The following DCTN2 variants were observed in gnomAD, a reference collection of about 807,000 sequenced individuals.
The protein encoded by DCTN2 is 50 kDa dynein-associated polypeptide.
A neutral mutation model predicts 55.4 loss-of-function variants in DCTN2; 18 were observed. That is an observed-to-expected ratio of 0.32 (90% CI 0.22 to 0.48). The LOEUF (loss-of-function observed/expected upper bound fraction) is 0.48, where lower values mean the gene tolerates loss of function less well. Among genes scored for constraint, DCTN2 ranks in the 20% least tolerant of loss-of-function variants. DCTN2 has a pLI of 0.99. For missense variants in DCTN2, 390 were observed against 491.0 expected, an observed-to-expected ratio of 0.79 and a Z score of 1.94; for synonymous variants, 168 against 185.2, an observed-to-expected ratio of 0.91 and a Z score of 0.76.
Position 57,530,619 on chromosome 12 carries a change from A to G in DCTN2, c.*70T>C. On this transcript the variant is annotated 3_prime_UTR_variant, in exon 14 of 14. Transcript: ENST00000548249. ...ATGCTAGAGTTATAGTAAAGGGGAA[A>G]CCCTATGTAAGCTGTTAACAGAGTT... The G allele has an allele frequency of 7.5e-7, 1 of 1,331,284 alleles. No individual in the cohort carries two copies. The highest frequency in any genetic ancestry group is 1.1e-6 in the Non-Finnish European group (1 of 939,966). The allele number at this position is 1,331,284 out of a possible 1,614,324, so 82.5% of individuals were successfully genotyped here. A position where few individuals can be genotyped will look rare whatever the true frequency, so the allele number is the denominator to read the frequency against.
At chr12:57,546,425 CA>C (rs1312501313) in intron 1 of DCTN2, among the ~76,000 whole-genome samples, 2 of 152,184 alleles carry the variant, frequency 1.3e-5, no homozygotes, top group East Asian at 3.9e-4. Flanking sequence ...CCCCGTACAC[CA>C]CCACCCTGGC....
At chr12:57,542,472 A>T (rs976552060) in intron 2 of DCTN2, among the ~76,000 whole-genome samples, 1 of 152,218 alleles carries the variant, frequency 6.6e-6, no homozygotes, top group Non-Finnish European at 1.5e-5. Flanking sequence ...TCACAGGAAG[A>T]AAGTTATGGA....
chr12:57,537,121 ATC>A (rs1333477440), intron 2 of DCTN2, among the ~76,000 whole-genome samples: 1 of 150,890 alleles, frequency 6.6e-6, no homozygotes, highest in Admixed American at 6.6e-5. Context: ...AGGCGGGTGG[ATC>A]TCAGGAGTTC....
chr12:57,532,753 G>C lies in DCTN2; in HGVS notation c.832C>G (p.Gln278Glu), dbSNP rs1220979639. 1 of 1,613,928 alleles carries C rather than the reference G, an allele frequency of 6.2e-7. No homozygotes were observed. The highest frequency in any genetic ancestry group is 2.2e-5 in the East Asian group (1 of 44,884). Reference protein sequence around the residue: ...VSALDLAVLDQVEARLQSVLG... With the variant: ...VSALDLAVLDEVEARLQSVLG... ...AATACCTGTAGCCGAGCCTCCACTT[G>C]ATCCAAAACTGCAAGGTCTAGGGCG... The change falls in exon 10 of 14, where the codon CAA becomes GAA. Residue 278 changes from glutamine (Q) to glutamate (E), a missense_variant. By Grantham distance (29) the Gln-to-Glu change is conservative. This residue lies in a region of DCTN2 where 273 missense variants were observed against 303.2 expected (regional missense o/e 0.90). Transcript: ENST00000548249.
At chr12:57,546,992 G>T in intron 1 of DCTN2, 36 bp downstream of exon 1, 1 of 1,281,722 alleles carries the variant, frequency 7.8e-7, no homozygotes. Flanking sequence ...GGTCGGGGGC[G>T]CGGTCCTGGG....
chr12:57,538,908 C>CTATT (rs1427139787), intron 2 of DCTN2, among the ~76,000 whole-genome samples: 4 of 152,186 alleles, frequency 2.6e-5, no homozygotes, highest in Admixed American at 2.6e-4. Flanking sequence ...GGTGGGGAAG[C>CTATT]TATTAGAAAT....
chr12:57,543,311 T>C lies in DCTN2; in HGVS notation c.105+2717A>G, dbSNP rs1453106428. ...TCGCAGTGAGCCAAGATCACGCCAC[T>C]GCACTCCAGCCTGGGCGACAGAGTG... On this transcript the variant is annotated intron_variant, in intron 2 of 13. Coordinates refer to ENST00000548249, the MANE Select transcript of DCTN2 (RefSeq NM_001261413.2). The C allele has an allele frequency of 1.8e-5, 4 of 223,298 alleles. No individual in the cohort carries two copies. In the East Asian group the frequency reaches 3.8e-4, roughly 21 times the overall value. 13.8% of individuals were successfully genotyped at this position (223,298 alleles called of 1,614,324 possible).
Position 57,532,236 on chromosome 12 carries a change from G to C in DCTN2, c.1004C>G (p.Thr335Ser). The change falls in exon 12 of 14, where the codon ACC (threonine) becomes AGC (serine). Residue 335 changes from threonine (T) to serine (S), a missense_variant. Transcript: ENST00000548249. ...TLPELVQRLV[T>S]IKQLHEQAMQ... ...ACCTTGCTCGTGCAGCTGCTTGATG[G>C]TGACAAGTCTCTGCACCAGCTCAGG... is the stretch of plus-strand genomic sequence containing the variant. 3 of 1,559,478 alleles carry C rather than the reference G, an allele frequency of 1.9e-6. No individual in the cohort carries two copies. Among genetic ancestry groups the C allele is most frequent in the Non-Finnish European group, 2.6e-6 (3 of 1,151,270 alleles).
Position 57,530,631 on chromosome 12 carries a change from C to T in DCTN2, c.*58G>A. Reference sequence around the variant, plus strand: ...TAGTAAAGGGGAAACCCTATGTAAGCTGTTAACAGAGTTCACAGGGGTAGG... The same window carrying T: ...TAGTAAAGGGGAAACCCTATGTAAGTTGTTAACAGAGTTCACAGGGGTAGG... On this transcript the variant is annotated 3_prime_UTR_variant, in exon 14 of 14. Coordinates refer to ENST00000548249, the MANE Select transcript of DCTN2 (RefSeq NM_001261413.2). The T allele has an allele frequency of 2.1e-6, 3 of 1,427,824 alleles. No individual in the cohort carries two copies. Among genetic ancestry groups the T allele is most frequent in the Non-Finnish European group, 2.9e-6 (3 of 1,018,276 alleles). 88.4% of individuals were successfully genotyped at this position (1,427,824 alleles called of 1,614,324 possible).
intron 2 of DCTN2, among the ~76,000 whole-genome samples, chr12:57,540,707 G>A (rs1432936772): frequency 6.6e-6 from 1 of 152,234 alleles, no homozygotes; most frequent in Non-Finnish European, 1.5e-5. Flanking sequence ...AAGATGGACA[G>A]AGCTGTAGAG....
intron 12 of DCTN2, 53 bp from the exon 13 acceptor site, chr12:57,532,159 A>G: frequency 6.4e-7 from 1 of 1,552,294 alleles, no homozygotes; most frequent in Non-Finnish European, 8.7e-7. Flanking sequence ...GGAGGGGACC[A>G]AAAGTTGCCC....
chr12:57,541,515 A>G lies in DCTN2; in HGVS notation c.105+4513T>C, dbSNP rs994867367. The stretch of plus-strand genomic sequence containing the variant: ...AAACTGTAAGGAAGTACTGTTTCTC[A>G]TCTCAGGAGTGTCCAGTAATATCTA... On this transcript the variant is annotated intron_variant, in intron 2 of 13. Transcript: ENST00000548249. 46 of 805,354 alleles carry G rather than the reference A, an allele frequency of 5.7e-5. No individual in the cohort carries two copies. In the Admixed American group the frequency reaches 1.1e-3, roughly 19 times the overall value. 49.9% of individuals were successfully genotyped at this position (805,354 alleles called of 1,614,324 possible). A position where few individuals can be genotyped will look rare whatever the true frequency, so the allele number is the denominator to read the frequency against.
At chr12:57,541,427 C>G in intron 2 of DCTN2, 2 of 1,589,190 alleles carry the variant, frequency 1.3e-6, no homozygotes, top group African/African-American at 2.7e-5. Context: ...TTAGGAAAAA[C>G]TCAGGTAAGT....
Position 57,532,318 on chromosome 12 carries a change from G to A in DCTN2, c.925-3C>T, listed in dbSNP as rs1339738480. 3.9e-6 allele frequency: 6 copies of A among 1,558,348 alleles called. No homozygotes were observed. Among genetic ancestry groups the A allele is most frequent in the South Asian group, 1.2e-5 (1 of 84,702 alleles). Reference sequence around the variant, plus strand: ...ATAGTTTCATATAGCTGGTGCACCTGAAGGGACACAATGGGGCCCAGAGGG... The same window carrying A: ...ATAGTTTCATATAGCTGGTGCACCTAAAGGGACACAATGGGGCCCAGAGGG... On this transcript the variant is annotated splice_polypyrimidine_tract_variant and splice_region_variant and intron_variant, in intron 11 of 13. Transcript: ENST00000548249.
At position 57,532,123 on chromosome 12, in the gene DCTN2, T is replaced by C; in HGVS notation, c.1028-17A>G. 1 of 1,554,468 alleles carries C rather than the reference T, an allele frequency of 6.4e-7. No individual in the cohort carries two copies. ...ACTGCATGGCTACAAAAGAAAAGTA[T>C]GGTTGAGACTTGAATCCAAGATAAG... is the stretch of plus-strand genomic sequence containing the variant. On this transcript the variant is annotated splice_polypyrimidine_tract_variant and intron_variant, in intron 12 of 13. Coordinates refer to ENST00000548249, the MANE Select transcript of DCTN2 (RefSeq NM_001261413.2).
chr12:57,538,457 A>G, intron 2 of DCTN2: 1 of 749,558 alleles, frequency 1.3e-6, no homozygotes, highest in South Asian at 1.4e-5. Context: ...TAAAGGACAG[A>G]GAAACAACTG....
rs371214316 is a variant in DCTN2 at position 57,537,205 on chromosome 12, G to A, written c.106-1360C>T. Among the ~76,000 whole-genome samples the A allele has an allele frequency of 1.3e-3, 200 of 151,524 alleles. 6 individuals carry two copies. In the South Asian group the frequency reaches 0.04, roughly 30 times the overall value. ...ATAAAATAGCTGGGTATTGTGGCACGTGCCTGTGGTCCCAGCTACTCAGGA... is the reference window on the plus strand; with the variant it reads ...ATAAAATAGCTGGGTATTGTGGCACATGCCTGTGGTCCCAGCTACTCAGGA... On this transcript the variant is annotated intron_variant, in intron 2 of 13. Transcript: ENST00000548249.
intron 2 of DCTN2, chr12:57,541,336 G>A: frequency 6.3e-7 from 1 of 1,598,254 alleles, no homozygotes; most frequent in Non-Finnish European, 8.5e-7. Context: ...AAAAAAACAT[G>A]CAGAGAAGAA....
chr12:57,530,437 G>A lies in DCTN2; in HGVS notation c.*252C>T. The stretch of plus-strand genomic sequence containing the variant: ...GCAAAGCAGTATTGGACATGAGTTG[G>A]CATGTGGCTGGGCCCACGTCCTTAT... On this transcript the variant is annotated 3_prime_UTR_variant, in exon 14 of 14. Transcript: ENST00000548249. 2.3e-6 allele frequency: 1 copy of A among 431,664 alleles called. No individual in the cohort carries two copies. The highest frequency in any genetic ancestry group is 4.2e-5 in the South Asian group (1 of 23,696). 26.7% of individuals were successfully genotyped at this position (431,664 alleles called of 1,614,324 possible).
Sources: gnomAD v4.1 joint callset for allele counts (sites outside exome capture counted in the v4.1 genomes callset) on GRCh38, gnomAD v4.1.1 for gene constraint, gnomAD v4.1.1 regional missense constraint, MANE v1.5 for transcripts, NCBI Gene and HGNC (gene_info 2026-07-23, HGNC 2026-07-21) for gene names.